LAMC1: variants seen among roughly 807,000 people sequenced by gnomAD.
The protein encoded by LAMC1 is laminin subunit gamma 1.
In LAMC1, 38 loss-of-function variants were observed where a neutral mutation model predicts 173.6. That is an observed-to-expected ratio of 0.22 (90% confidence interval 0.17 to 0.29). The LOEUF is 0.29. Ranked by LOEUF, LAMC1 falls within the 10% of genes least tolerant of loss-of-function variation. The pLI, the probability that LAMC1 is intolerant of heterozygous loss-of-function variation, is 1.00. For synonymous variants in LAMC1, 746 were observed against 749.1 expected (o/e 1.00, Z 0.07); for missense variants, 1,824 against 2,051.8 (o/e 0.89, Z 2.14).
chr1:183,123,205 C>T (rs1656527999), intron 13 of LAMC1, among the ~76,000 whole-genome samples: 1 of 152,154 alleles, frequency 6.6e-6, no homozygotes, highest in Non-Finnish European at 1.5e-5. Flanking sequence ...CCTTTCAAGT[C>T]CTAGAAACAG....
At chr1:183,124,428 T>G (rs1242793158) in intron 13 of LAMC1, among the ~76,000 whole-genome samples, 2 of 152,214 alleles carry the variant, frequency 1.3e-5, no homozygotes. Context: ...GTGCTTCCTG[T>G]CTAGTGAGGA....
chr1:183,116,429 A>G (rs1181713192), intron 6 of LAMC1, 148 bp from the exon 7 acceptor site: 7 of 582,818 alleles, frequency 1.2e-5, no homozygotes, highest in Non-Finnish European at 2.1e-5. Context: ...GTGAGCTGAG[A>G]TGGCGCCACT....
intron 1 of LAMC1, among the ~76,000 whole-genome samples, chr1:183,074,868 C>T (rs752237710): frequency 3.3e-5 from 5 of 152,050 alleles, no homozygotes; most frequent in South Asian, 2.1e-4. Flanking sequence ...ATAGACATAA[C>T]GGAAACCTCT....
intron 1 of LAMC1, among the ~76,000 whole-genome samples, chr1:183,097,962 G>A (rs1331309620): frequency 1.3e-5 from 2 of 152,142 alleles, no homozygotes; most frequent in African/African-American, 4.8e-5. Context: ...TGAACATGGG[G>A]TGAGGAGTGG....
intron 1 of LAMC1, among the ~76,000 whole-genome samples, chr1:183,088,550 C>A (rs1655490983): frequency 6.6e-6 from 1 of 152,140 alleles, no homozygotes; most frequent in Admixed American, 6.5e-5. Context: ...GTCTTTTTTA[C>A]TTGTGTCATG....
intron 18 of LAMC1, among the ~76,000 whole-genome samples, chr1:183,129,054 A>C (rs935534195): frequency 6.6e-6 from 1 of 150,912 alleles, no homozygotes; most frequent in East Asian, 1.9e-4. Flanking sequence ...TAGTTTTAAA[A>C]ATCATTAAAG....
In LAMC1 at chr1:183,116,786, A is replaced by T; in HGVS notation, c.1447A>T (p.Asn483Tyr). The change falls in exon 8 of 28, where the codon AAT becomes TAT. Residue 483 changes from asparagine (N) to tyrosine (Y), a missense_variant. Transcript: ENST00000258341. ...TTTCAGATGCAAACCTGGATTTTTT[A>T]ATCTGGAATCATCTAATCCTCGGGG... ...NCERCKPGFF[N>Y]LESSNPRGCT... The T allele has an allele frequency of 6.2e-7, 1 of 1,614,012 alleles. No homozygotes were observed. The highest frequency in any genetic ancestry group is 1.1e-5 in the South Asian group (1 of 91,050).
Position 183,103,522 on chromosome 1 carries a change from T to G in LAMC1, c.613T>G (p.Cys205Gly). 6.2e-7 allele frequency: 1 copy of G among 1,614,132 alleles called. No individual in the cohort carries two copies. The highest frequency in any genetic ancestry group is 8.5e-7 in the Non-Finnish European group (1 of 1,180,014). The change falls in exon 2 of 28, where the codon TGT (cysteine) becomes GGT (glycine). Residue 205 changes from cysteine (C) to glycine (G), a missense_variant. Cys to Gly is a radical substitution (Grantham distance 159). Transcript: ENST00000258341. Reference protein sequence around the residue: ...RTGGDEQQALCTDEFSDISPL... With the variant: ...RTGGDEQQALGTDEFSDISPL... ...AGGAGGGGACGAGCAGCAGGCCTTG[T>G]GTACTGATGAATTCAGTGACATTTC...
chr1:183,118,293 A>G, intron 11 of LAMC1, 147 bp downstream of exon 11: 1 of 497,760 alleles, frequency 2.0e-6, no homozygotes, highest in Non-Finnish European at 3.5e-6. Context: ...ATATAAAGAC[A>G]ATGCATTTTT....
chr1:183,130,254 G>C (rs1171257752), intron 18 of LAMC1, 90 bp from the exon 19 acceptor site: 1 of 1,158,302 alleles, frequency 8.6e-7, no homozygotes, highest in African/African-American at 1.5e-5. Context: ...ATGTTTAGAA[G>C]AGTAGAGATA....
At chr1:183,025,535 G>T (rs1045814100) in intron 1 of LAMC1, among the ~76,000 whole-genome samples, 1 of 152,178 alleles carries the variant, frequency 6.6e-6, no homozygotes, top group African/African-American at 2.4e-5. Flanking sequence ...GTTTTTTAAA[G>T]GTGCCTTTCT....
At chr1:183,136,363 A>C (rs1656940004) in intron 24 of LAMC1, 23 bp from the exon 25 acceptor site, 1 of 1,609,818 alleles carries the variant, frequency 6.2e-7, no homozygotes, top group Non-Finnish European at 8.5e-7. Flanking sequence ...TTTAGCTCAA[A>C]TGTGTCCTTG....
At position 183,121,920 on chromosome 1, in the gene LAMC1, A is replaced by G; in HGVS notation, c.2188A>G (p.Ser730Gly). Residue 730 changes from serine (S) to glycine (G), a missense_variant, in exon 12 of 28, where the codon AGC becomes GGC. Physicochemically the swap from Ser to Gly is moderately conservative, Grantham distance 56. Transcript: ENST00000258341. ...PCVLCACNGH[S>G]ETCDPETGVC... ...TGTGCTTTGCGCCTGCAATGGACAC[A>G]GCGAGACCTGTGATCCTGAGACAGG... 1 of 1,614,192 alleles carries G rather than the reference A, an allele frequency of 6.2e-7. No homozygotes were observed. The highest frequency in any genetic ancestry group is 8.5e-7 in the Non-Finnish European group (1 of 1,179,982).
intron 1 of LAMC1, among the ~76,000 whole-genome samples, chr1:183,086,223 G>GC (rs1655422909): frequency 6.6e-6 from 1 of 152,220 alleles, no homozygotes; most frequent in Non-Finnish European, 1.5e-5. Flanking sequence ...GAATCACTGT[G>GC]CAGCAATGTG....
chr1:183,037,648 T>C (rs1654017295), intron 1 of LAMC1, among the ~76,000 whole-genome samples: 1 of 152,216 alleles, frequency 6.6e-6, no homozygotes, highest in Non-Finnish European at 1.5e-5. Context: ...TCTTTACCTC[T>C]TCCTCTCTCT....
intron 1 of LAMC1, among the ~76,000 whole-genome samples, chr1:183,092,499 C>G (rs1655589631): frequency 6.6e-6 from 1 of 151,566 alleles, no homozygotes; most frequent in Non-Finnish European, 1.5e-5. Flanking sequence ...AGATGAGGCT[C>G]AACAATTTGC....
intron 1 of LAMC1, among the ~76,000 whole-genome samples, chr1:183,067,122 A>G (rs892228775): frequency 3.3e-5 from 5 of 152,150 alleles, no homozygotes; most frequent in African/African-American, 1.2e-4. Context: ...TTGTTTTGAT[A>G]CCAGGGTTTG....
chr1:183,078,664 G>C (rs1355281343), intron 1 of LAMC1, among the ~76,000 whole-genome samples: 1 of 151,954 alleles, frequency 6.6e-6, no homozygotes, highest in Non-Finnish European at 1.5e-5. Flanking sequence ...GAAGGGGATC[G>C]TGACATGTAA....
intron 1 of LAMC1, among the ~76,000 whole-genome samples, chr1:183,101,379 C>T (rs1655830256): frequency 6.6e-6 from 1 of 151,366 alleles, no homozygotes; most frequent in Admixed American, 6.6e-5. Flanking sequence ...GTAAAACTTG[C>T]ATTCTTTTAA....
Sources: allele counts gnomAD v4.1 joint callset (sites outside exome capture counted in the v4.1 genomes callset), GRCh38; gene constraint gnomAD v4.1.1; transcripts MANE v1.5; gene names NCBI Gene and HGNC (gene_info 2026-07-23, HGNC 2026-07-21).